The following SLC4A7 variants were observed in gnomAD, a reference collection of about 807,000 sequenced individuals.
SLC4A7 encodes the protein sodium bicarbonate cotransporter 3.
A neutral mutation model predicts 137.6 loss-of-function variants in SLC4A7; 51 were observed. The observed-to-expected ratio is 0.37, with a 90% confidence interval of 0.30 to 0.47. The LOEUF (loss-of-function observed/expected upper bound fraction) is 0.47, where lower values mean the gene tolerates loss of function less well. SLC4A7 is among the 20% of genes least tolerant of loss of function. The probability of loss-of-function intolerance (pLI) is 1.00; values close to 1 mark genes in which losing one functional copy is unlikely to be tolerated. For synonymous variants in SLC4A7, 542 were observed against 518.6 expected (o/e 1.05, Z -0.61); for missense variants, 1,247 against 1,525.4 (o/e 0.82, Z 3.04).
chr3:27,400,905 C>T (rs2052680689), intron 15 of SLC4A7, 36 bp from the exon 16 acceptor site: 1 of 1,153,686 alleles, frequency 8.7e-7, no homozygotes, highest in East Asian at 2.4e-5. Flanking sequence ...TTTAAGGATC[C>T]TGAATTTCAT....
intron 1 of SLC4A7, among the ~76,000 whole-genome samples, chr3:27,467,798 T>G (rs1261010046): frequency 3.9e-5 from 6 of 152,202 alleles, no homozygotes; most frequent in Admixed American, 2.0e-4. Context: ...TTTTCTCTCA[T>G]GCTGTGATTA....
intron 1 of SLC4A7, among the ~76,000 whole-genome samples, chr3:27,460,561 A>C (rs914292312): frequency 1.3e-5 from 2 of 152,210 alleles, no homozygotes; most frequent in Non-Finnish European, 2.9e-5. Context: ...AGACTATTTC[A>C]AACGCTAAAG....
rs545580663 is a variant in SLC4A7, at chr3:27,425,611, G to A, written c.1151-1459C>T. On this transcript the variant is annotated intron_variant, in intron 7 of 25. Transcript: ENST00000454389. ...GAATTGCTTGAACCCAGGAGGCAGA[G>A]GTTGCAGTGAGCCAAGATTGCACCA... Among the ~76,000 whole-genome samples, 15 of 137,838 alleles carry A rather than the reference G, an allele frequency of 1.1e-4. No homozygotes were observed. The South Asian group carries it at 3.3e-3, about 30-fold the overall frequency. The allele number at this position is 137,838 out of a possible 152,430, so 90.4% of individuals were successfully genotyped here. A position where few individuals can be genotyped will look rare whatever the true frequency, so the allele number is the denominator to read the frequency against.
chr3:27,433,016 T>G (rs562396604), intron 6 of SLC4A7, among the ~76,000 whole-genome samples: 1 of 152,212 alleles, frequency 6.6e-6, no homozygotes, highest in Admixed American at 6.5e-5. Flanking sequence ...AGGGTTTTCA[T>G]GGCCAAGTGG....
In SLC4A7 at chr3:27,379,230, C is replaced by T. The variant is rs1363469515; in HGVS notation, c.3698+19G>A. ...GAAAATTGGCTACAGTTAGAAAACA[C>T]ACAAATAGTTATAACTACCTCATGT... On this transcript the variant is annotated intron_variant, in intron 25 of 25. Transcript: ENST00000454389. 2.2e-6 allele frequency: 3 copies of T among 1,378,412 alleles called. No homozygotes were observed. The highest frequency in any genetic ancestry group is 1.2e-5 in the South Asian group (1 of 80,838). The allele number at this position is 1,378,412 out of a possible 1,614,324, so 85.4% of individuals were successfully genotyped here. A position where few individuals can be genotyped will look rare whatever the true frequency, so the allele number is the denominator to read the frequency against.
chr3:27,460,462 T>G (rs2058638119), intron 1 of SLC4A7, among the ~76,000 whole-genome samples: 1 of 152,224 alleles, frequency 6.6e-6, no homozygotes, highest in Non-Finnish European at 1.5e-5. Flanking sequence ...TCTGAAGTAC[T>G]AGAATTAAAT....
chr3:27,394,636 G>T lies in SLC4A7; in HGVS notation c.2999C>A (p.Ser1000Tyr). Reference sequence around the variant, plus strand: ...TTGTTCCCCTGGAGCAGAACATTCAGATTCAACTTTTAAGCTGTTGACATG... The same window carrying T: ...TTGTTCCCCTGGAGCAGAACATTCATATTCAACTTTTAAGCTGTTGACATG... ...ISHVNSLKVE[S>Y]ECSAPGEQPK... is the part of the protein sequence containing the mutation. Residue 1000 changes from serine (S) to tyrosine (Y), a missense_variant, in exon 20 of 26, where the codon TCT becomes TAT. Ser to Tyr is a moderately radical substitution (Grantham distance 144, BLOSUM62 -2). Transcript: ENST00000454389. 1 of 1,614,150 alleles carries T rather than the reference G, an allele frequency of 6.2e-7. No homozygotes were observed. The highest frequency in any genetic ancestry group is 8.5e-7 in the Non-Finnish European group (1 of 1,180,032).
intron 7 of SLC4A7, 23 bp from the exon 8 acceptor site, chr3:27,424,175 A>G: frequency 1.6e-6 from 2 of 1,257,012 alleles, no homozygotes; most frequent in Non-Finnish European, 2.3e-6. Context: ...ACAAATTCCA[A>G]ATTAGTAAGG....
At chr3:27,428,643 T>C (rs1203191362) in intron 7 of SLC4A7, among the ~76,000 whole-genome samples, 1 of 152,202 alleles carries the variant, frequency 6.6e-6, no homozygotes, top group Non-Finnish European at 1.5e-5. Flanking sequence ...TTACTAGTTG[T>C]ATGATGCAGG....
chr3:27,385,806 T>C (rs1488167880), intron 23 of SLC4A7, 86 bp downstream of exon 23: 2 of 885,512 alleles, frequency 2.3e-6, no homozygotes, highest in South Asian at 3.7e-5. Context: ...AACTGATTCA[T>C]GTAAAGTGAT....
At chr3:27,472,257 A>G (rs1292687521) in intron 1 of SLC4A7, among the ~76,000 whole-genome samples, 1 of 152,252 alleles carries the variant, frequency 6.6e-6, no homozygotes, top group Non-Finnish European at 1.5e-5. Context: ...CATGAGCTTA[A>G]GTCAGTGACA....
intron 24 of SLC4A7, among the ~76,000 whole-genome samples, chr3:27,380,476 GT>G (rs1404500705): frequency 3.9e-5 from 6 of 152,034 alleles, no homozygotes; most frequent in African/African-American, 1.2e-4. Context: ...TAATAGGAAA[GT>G]ATCATAAAGT....
At chr3:27,470,349 G>T (rs560603052) in intron 1 of SLC4A7, among the ~76,000 whole-genome samples, 2 of 151,472 alleles carry the variant, frequency 1.3e-5, no homozygotes, top group African/African-American at 2.4e-5. Flanking sequence ...AATATACATG[G>T]AACAAGTAAG....
At chr3:27,407,582 C>A (rs190445691) in intron 13 of SLC4A7, among the ~76,000 whole-genome samples, 4 of 152,202 alleles carry the variant, frequency 2.6e-5, no homozygotes, top group Admixed American at 1.3e-4. Flanking sequence ...CCCTTACCTT[C>A]CCCTCACACA....
At chr3:27,448,549 A>T in intron 3 of SLC4A7, 102 bp downstream of exon 3, 1 of 891,610 alleles carries the variant, frequency 1.1e-6, no homozygotes, top group Non-Finnish European at 1.7e-6. Context: ...TGACTACATT[A>T]ATGCATACAT....
chr3:27,483,910 AAG>A (rs908391238), intron 1 of SLC4A7, among the ~76,000 whole-genome samples, 155 bp downstream of exon 1: 17 of 144,380 alleles, frequency 1.2e-4, no homozygotes, highest in African/African-American at 4.2e-4. Flanking sequence ...CCGCCACACA[AAG>A]GGGATGGCGA....
intron 18 of SLC4A7, among the ~76,000 whole-genome samples, chr3:27,396,385 T>C (rs1472474783): frequency 6.6e-6 from 1 of 152,116 alleles, no homozygotes; most frequent in Non-Finnish European, 1.5e-5. Context: ...CAAGGACATA[T>C]TTAAGAATCA....
chr3:27,472,938 G>T (rs959987910), intron 1 of SLC4A7, among the ~76,000 whole-genome samples: 1 of 152,134 alleles, frequency 6.6e-6, no homozygotes, highest in African/African-American at 2.4e-5. Flanking sequence ...AAATAAGCTG[G>T]GCGTGGTAGC....
In SLC4A7 at chr3:27,469,354, G is replaced by A. The variant is rs999371344; in HGVS notation, c.60+14713C>T. 2.0e-4 allele frequency among the ~76,000 whole-genome samples: 31 copies of A among 151,948 alleles called. 1 individual carries two copies. ...ATAGTGTTAGATCCCACAGGTTGAG[G>A]GCTCAGTCACCAAGACTCTTCCCCA... is the stretch of plus-strand genomic sequence containing the variant. On this transcript the variant is annotated intron_variant, in intron 1 of 25. Transcript: ENST00000454389.
Sources: gnomAD v4.1 joint callset for allele counts (sites outside exome capture counted in the v4.1 genomes callset) on GRCh38, gnomAD v4.1.1 for gene constraint, MANE v1.5 for transcripts, NCBI Gene and HGNC (gene_info 2026-07-23, HGNC 2026-07-21) for gene names.